Variants in PTPRD observed in about 807,000 individuals in gnomAD.
The protein encoded by PTPRD is protein tyrosine phosphatase receptor type D.
A neutral mutation model predicts 214.5 loss-of-function variants in PTPRD; 34 were observed. The observed-to-expected ratio is 0.16, with a 90% CI of 0.12 to 0.21. The LOEUF is 0.21. Ranked by LOEUF, PTPRD falls within the 10% of genes least tolerant of loss-of-function variation. PTPRD has a pLI of 1.00. For synonymous variants in PTPRD, 1,128 were observed against 845.7 expected (o/e 1.33, Z -5.79); for missense variants, 2,545 against 2,398.7 (o/e 1.06, Z -1.27).
Position 10,495,327 on chromosome 9 carries a change from G to A in PTPRD, c.-600+117071C>T, listed in dbSNP as rs188069516. The stretch of plus-strand genomic sequence containing the variant: ...CTCAGACTTGAGAGACATAAGGAAA[G>A]ACTGGAGCTTAAATAGAAAATCCAC... On this transcript the variant is annotated intron_variant, in intron 2 of 45. Coordinates refer to ENST00000381196, the MANE Select transcript of PTPRD (RefSeq NM_002839.4). 2.2e-3 allele frequency among the ~76,000 whole-genome samples: 336 copies of A among 151,918 alleles called. 5 individuals carry two copies. The highest frequency in any genetic ancestry group is 4.9e-4 in the Non-Finnish European group (33 of 67,780).
chr9:9,840,296 G>C (rs1302855055), intron 5 of PTPRD, among the ~76,000 whole-genome samples: 2 of 151,990 alleles, frequency 1.3e-5, no homozygotes, highest in Admixed American at 6.6e-5. Context: ...ACTATGGCTG[G>C]CCTGTATTTT....
chr9:10,277,090 T>C (rs182421754), intron 3 of PTPRD, among the ~76,000 whole-genome samples: 1 of 152,176 alleles, frequency 6.6e-6, no homozygotes, highest in Admixed American at 6.5e-5. Context: ...ATTCATCATG[T>C]TTATAGCCTA....
At chr9:8,683,643 G>C (rs1283784316) in intron 12 of PTPRD, among the ~76,000 whole-genome samples, 1 of 152,158 alleles carries the variant, frequency 6.6e-6, no homozygotes, top group Non-Finnish European at 1.5e-5. Flanking sequence ...CACGCCATAA[G>C]GTCTCCTTCC....
At chr9:10,468,002 C>A (rs2099005698) in intron 2 of PTPRD, among the ~76,000 whole-genome samples, 1 of 152,134 alleles carries the variant, frequency 6.6e-6, no homozygotes, top group Non-Finnish European at 1.5e-5. Flanking sequence ...CAGGAAACAA[C>A]AGAGGCTGGA....
chr9:8,456,967 T>C (rs2096230491), intron 33 of PTPRD, among the ~76,000 whole-genome samples: 1 of 152,202 alleles, frequency 6.6e-6, no homozygotes, highest in Non-Finnish European at 1.5e-5. Flanking sequence ...TAAATAATTC[T>C]TGGACAGTTC....
rs186464908 is a variant in PTPRD, at chr9:9,680,214, T to C, written c.-287+54319A>G. Among the ~76,000 whole-genome samples, 337 of 151,950 alleles carry C rather than the reference T, an allele frequency of 2.2e-3. 2 individuals carry two copies. The highest frequency in any genetic ancestry group is 7.5e-3 in the African/African-American group (310 of 41,526). On this transcript the variant is annotated intron_variant, in intron 7 of 45. Transcript: ENST00000381196. ...ACAACTATTTCTCCACTTAAAATGATAAAAAAGCCTTTATCTTTGGTAATC... is the reference window on the plus strand; with the variant it reads ...ACAACTATTTCTCCACTTAAAATGACAAAAAAGCCTTTATCTTTGGTAATC...
chr9:9,722,999 A>G (rs2097992649), intron 7 of PTPRD, among the ~76,000 whole-genome samples: 1 of 152,048 alleles, frequency 6.6e-6, no homozygotes, highest in Non-Finnish European at 1.5e-5. Flanking sequence ...ATGTTTTCAC[A>G]TTTTTGATGG....
At chr9:9,978,276 T>C (rs7863979) in intron 4 of PTPRD, among the ~76,000 whole-genome samples, 2,304 of 152,110 alleles carry the variant, frequency 0.015, 54 homozygotes, top group African/African-American at 0.052. Flanking sequence ...AAAATAACTA[T>C]GTGAAACCTG....
At chr9:9,644,403 T>A (rs1341624690) in intron 7 of PTPRD, among the ~76,000 whole-genome samples, 1 of 152,200 alleles carries the variant, frequency 6.6e-6, no homozygotes, top group Non-Finnish European at 1.5e-5. Context: ...ATATGAACTG[T>A]CTCCATGCTT....
chr9:9,053,069 T>C (rs1050961410), intron 10 of PTPRD, among the ~76,000 whole-genome samples: 5 of 152,140 alleles, frequency 3.3e-5, no homozygotes, highest in Admixed American at 6.5e-5. Flanking sequence ...TATAGAACAA[T>C]AAGCTTTATA....
chr9:9,067,832 T>C (rs563487024), intron 10 of PTPRD, among the ~76,000 whole-genome samples: 16 of 152,200 alleles, frequency 1.1e-4, no homozygotes, highest in Non-Finnish European at 2.2e-4. Flanking sequence ...TTTGTACTTG[T>C]GTCTGTGTTT....
At chr9:8,741,758 T>C (rs1354398398) in intron 11 of PTPRD, among the ~76,000 whole-genome samples, 1 of 151,696 alleles carries the variant, frequency 6.6e-6, no homozygotes, top group African/African-American at 2.4e-5. Context: ...GCCAAGCTAA[T>C]TGTTGTATTT....
intron 9 of PTPRD, among the ~76,000 whole-genome samples, chr9:9,201,322 C>A (rs1229310493): frequency 1.3e-5 from 2 of 152,092 alleles, no homozygotes; most frequent in African/African-American, 4.8e-5. Flanking sequence ...ATTTTGGTGG[C>A]AAGGTCTTTC....
At position 9,296,653 on chromosome 9, in the gene PTPRD, G is replaced by A. The variant is rs991751542; in HGVS notation, c.-203+100796C>T. On this transcript the variant is annotated intron_variant, in intron 9 of 45. Coordinates refer to ENST00000381196, the MANE Select transcript of PTPRD (RefSeq NM_002839.4). Reference sequence around the variant, plus strand: ...TTCACCTCCTGGGATTTATGCCTATGTCAGTTAAGAGAGAGAATGTAGAAT... The same window carrying A: ...TTCACCTCCTGGGATTTATGCCTATATCAGTTAAGAGAGAGAATGTAGAAT... Among the ~76,000 whole-genome samples the A allele has an allele frequency of 1.9e-4, 29 of 151,646 alleles. 1 individual carries two copies. The highest frequency in any genetic ancestry group is 7.4e-5 in the Non-Finnish European group (5 of 67,810).
chr9:10,179,236 C>T (rs1240902801), intron 3 of PTPRD, among the ~76,000 whole-genome samples: 3 of 151,742 alleles, frequency 2.0e-5, no homozygotes, highest in Admixed American at 6.6e-5. Context: ...GCCAGGAATG[C>T]TTTTTTCAGC....
chr9:9,796,984 G>T (rs1290463634), intron 5 of PTPRD, among the ~76,000 whole-genome samples: 2 of 152,242 alleles, frequency 1.3e-5, no homozygotes, highest in Admixed American at 6.5e-5. Flanking sequence ...CTCAGTGTAA[G>T]AAGTTTTTAT....
intron 8 of PTPRD, among the ~76,000 whole-genome samples, chr9:9,416,829 T>C (rs889093598): frequency 5.3e-5 from 8 of 152,212 alleles, no homozygotes; most frequent in Non-Finnish European, 8.8e-5. Context: ...AACCAGCTTC[T>C]GTTGGTTCAA....
chr9:10,274,638 A>C (rs1274500137), intron 3 of PTPRD, among the ~76,000 whole-genome samples: 1 of 152,194 alleles, frequency 6.6e-6, no homozygotes, highest in Non-Finnish European at 1.5e-5. Context: ...TATTGCTCAT[A>C]GTTACAAATG....
Position 9,866,714 on chromosome 9 carries a change from C to T in PTPRD, c.-368+71793G>A, listed in dbSNP as rs554437981. 3.3e-5 allele frequency among the ~76,000 whole-genome samples: 5 copies of T among 152,154 alleles called. No homozygotes were observed. In the South Asian group the frequency reaches 6.2e-4, roughly 19 times the overall value. ...AACATTTCTTAGATAATTGTGAATA[C>T]GCCCTTGTGGAAAACATCTTTTATA... On this transcript the variant is annotated intron_variant, in intron 5 of 45. Coordinates refer to ENST00000381196, the MANE Select transcript of PTPRD (RefSeq NM_002839.4).
Sources: gnomAD v4.1 joint callset for allele counts (sites outside exome capture counted in the v4.1 genomes callset) on GRCh38, gnomAD v4.1.1 for gene constraint, MANE v1.5 for transcripts, NCBI Gene and HGNC (gene_info 2026-07-23, HGNC 2026-07-21) for gene names.